Variants in TOX2 observed in about 807,000 individuals in gnomAD.
TOX2 encodes granulosa cell HMG box 1.
TOX2 carries 15 observed loss-of-function variants against 47.4 expected under a neutral mutation model. The observed-to-expected ratio is 0.32, with a 90% CI of 0.21 to 0.49. The LOEUF is 0.49. TOX2 is among the 20% of genes least tolerant of loss of function. The pLI, the probability that TOX2 is intolerant of heterozygous loss-of-function variation, is 0.99. For missense variants in TOX2, 622 were observed against 673.1 expected (o/e 0.92, Z 0.84); for synonymous variants, 290 against 296.6 (o/e 0.98, Z 0.23).
intron 5 of TOX2, among the ~76,000 whole-genome samples, chr20:44,056,079 A>G: frequency 6.6e-6 from 1 of 152,126 alleles, no homozygotes; most frequent in East Asian, 1.9e-4. Context: ...CCCGCTGGGA[A>G]CTCAGGAGCC....
intron 1 of TOX2, among the ~76,000 whole-genome samples, chr20:43,945,135 G>T (rs905945704): frequency 6.6e-6 from 1 of 151,790 alleles, no homozygotes; most frequent in South Asian, 2.1e-4. Context: ...TGTAATACAC[G>T]CTTGTGGTAA....
intron 1 of TOX2, among the ~76,000 whole-genome samples, chr20:43,922,379 G>A (rs555568515): frequency 6.6e-6 from 1 of 152,300 alleles, no homozygotes; most frequent in East Asian, 1.9e-4. Context: ...GCCCCTGGTT[G>A]AGAACCAGTG....
At chr20:44,001,473 T>G (rs2070581397) in intron 2 of TOX2, among the ~76,000 whole-genome samples, 1 of 152,254 alleles carries the variant, frequency 6.6e-6, no homozygotes, top group African/African-American at 2.4e-5. Flanking sequence ...CATGTTCATG[T>G]TTGCGTGCTT....
chr20:43,959,727 G>A (rs367913884), intron 1 of TOX2, among the ~76,000 whole-genome samples: 12 of 152,196 alleles, frequency 7.9e-5, no homozygotes, highest in African/African-American at 2.7e-4. Context: ...ACGCTCATGC[G>A]GCTTTTAGTT....
intron 1 of TOX2, 26 bp from the exon 2 acceptor site, chr20:43,973,338 AGCT>A: frequency 6.2e-7 from 1 of 1,611,572 alleles, no homozygotes; most frequent in Non-Finnish European, 8.5e-7. Flanking sequence ...TTTTAATCAG[AGCT>A]GCTTCTCCCT....
intron 1 of TOX2, among the ~76,000 whole-genome samples, chr20:43,931,031 A>T (rs1327393866): frequency 6.6e-6 from 1 of 152,032 alleles, no homozygotes; most frequent in Non-Finnish European, 1.5e-5. Context: ...AAGTGTGGGG[A>T]ATCTCTGTCG....
chr20:44,043,971 T>C (rs1388402887), intron 3 of TOX2, among the ~76,000 whole-genome samples: 1 of 152,188 alleles, frequency 6.6e-6, no homozygotes, highest in Non-Finnish European at 1.5e-5. Context: ...TAAAGACACA[T>C]GCACATGTAT....
intron 1 of TOX2, among the ~76,000 whole-genome samples, chr20:43,932,979 A>G (rs1267765125): frequency 6.6e-6 from 1 of 152,156 alleles, no homozygotes; most frequent in African/African-American, 2.4e-5. Flanking sequence ...TTCAAGAAGG[A>G]AGTAGAGGCA....
chr20:44,068,951 C>G lies in TOX2; in HGVS notation c.*265C>G, dbSNP rs1266946893. On this transcript the variant is annotated 3_prime_UTR_variant, in exon 9 of 9. Coordinates refer to ENST00000341197, the MANE Select transcript of TOX2 (RefSeq NM_001098797.2). ...CTCCAGGGTAACTGTGGACCCTGTC[C>G]TCGCCCTGCGCACGGTACCCTATGT... 1.6e-6 allele frequency: 1 copy of G among 629,202 alleles called. No homozygotes were observed. The highest frequency in any genetic ancestry group is 1.5e-5 in the South Asian group (1 of 65,822). The allele number at this position is 629,202 out of a possible 1,614,324, so 39.0% of individuals were successfully genotyped here.
At chr20:43,977,766 C>T (rs950085864) in intron 2 of TOX2, among the ~76,000 whole-genome samples, 1 of 152,180 alleles carries the variant, frequency 6.6e-6, no homozygotes, top group African/African-American at 2.4e-5. Context: ...AGGGCTGTGT[C>T]CCCATCAGCA....
At chr20:43,977,288 T>A (rs2070097643) in intron 2 of TOX2, among the ~76,000 whole-genome samples, 1 of 152,098 alleles carries the variant, frequency 6.6e-6, no homozygotes, top group African/African-American at 2.4e-5. Flanking sequence ...TGTGTGTATT[T>A]TTAGTTGAGA....
Position 43,916,905 on chromosome 20 carries a change from C to T in TOX2, c.99+1915C>T, listed in dbSNP as rs1568993942. Among the ~76,000 whole-genome samples, 2 of 152,196 alleles carry T rather than the reference C, an allele frequency of 1.3e-5. No homozygotes were observed. Among genetic ancestry groups the T allele is most frequent in the Admixed American group, 6.5e-5 (1 of 15,280 alleles). On this transcript the variant is annotated intron_variant, in intron 1 of 8. Transcript: ENST00000341197. This position sits in a 1 kb window ranked among gnomAD's most constrained non-coding sequence, Gnocchi z 5.0. Reference sequence around the variant, plus strand: ...CCGAGGCCCCTGCTTTATTCTGATGCTCTGTAAACCTCTGACTCAGCACCA... The same window carrying T: ...CCGAGGCCCCTGCTTTATTCTGATGTTCTGTAAACCTCTGACTCAGCACCA...
intron 3 of TOX2, among the ~76,000 whole-genome samples, chr20:44,024,519 C>T (rs546074585): frequency 3.9e-5 from 6 of 151,918 alleles, no homozygotes; most frequent in African/African-American, 1.4e-4. Context: ...TATGGCTGTA[C>T]ATTTTTTCTT....
chr20:43,926,374 G>C (rs1211709794), intron 1 of TOX2, among the ~76,000 whole-genome samples: 1 of 152,150 alleles, frequency 6.6e-6, no homozygotes, highest in Non-Finnish European at 1.5e-5. Flanking sequence ...TTTGATGGAA[G>C]TGCCTGGGTT....
At chr20:43,920,393 G>A (rs1481989782) in intron 1 of TOX2, among the ~76,000 whole-genome samples, 1 of 152,216 alleles carries the variant, frequency 6.6e-6, no homozygotes, top group East Asian at 1.9e-4. Flanking sequence ...CGGCATACTT[G>A]GTGGGTGAGA....
chr20:44,033,036 T>G (rs925072752), intron 3 of TOX2, among the ~76,000 whole-genome samples: 1 of 152,200 alleles, frequency 6.6e-6, no homozygotes, highest in Non-Finnish European at 1.5e-5. Flanking sequence ...AAATGCTTAC[T>G]GATTTTACAA....
At position 44,054,466 on chromosome 20, in the gene TOX2, C is replaced by T. The variant is rs147266413; in HGVS notation, c.819C>T (p.Phe273=). The T allele has an allele frequency of 3.3e-5, 54 of 1,613,756 alleles. No homozygotes were observed. The highest frequency in any genetic ancestry group is 2.7e-4 in the Admixed American group (16 of 59,976). The change falls in exon 5 of 9, where the codon TTC becomes TTT. Residue 273 remains phenylalanine, a synonymous_variant. Coordinates refer to ENST00000341197, the MANE Select transcript of TOX2 (RefSeq NM_001098797.2). ...AIKGQNPSAT[F]GDVSKIVASM... ...AGGGTCAGAACCCCAGTGCCACTTT[C>T]GGTGACGTGTCCAAAATCGTGGCCT...
chr20:43,997,988 G>A (rs2070508156), intron 2 of TOX2, among the ~76,000 whole-genome samples: 1 of 152,108 alleles, frequency 6.6e-6, no homozygotes, highest in South Asian at 2.1e-4. Flanking sequence ...ACCTGAGACT[G>A]GGTAGTTTAT....
intron 1 of TOX2, among the ~76,000 whole-genome samples, chr20:43,964,654 A>G (rs1480052071): frequency 6.6e-6 from 1 of 152,124 alleles, no homozygotes; most frequent in East Asian, 1.9e-4. Flanking sequence ...GGTACCTGGG[A>G]TCAAGGCCAA....
Sources: allele counts gnomAD v4.1 joint callset (sites outside exome capture counted in the v4.1 genomes callset), GRCh38; gene constraint gnomAD v4.1.1; non-coding constraint Gnocchi (gnomAD v3.1); transcripts MANE v1.5; gene names NCBI Gene and HGNC (gene_info 2026-07-23, HGNC 2026-07-21).